The following PCDHGB7 variants were observed in gnomAD, a reference collection of about 807,000 sequenced individuals.
The protein encoded by PCDHGB7 is protocadherin gamma subfamily B, 7.
In PCDHGB7, 37 loss-of-function variants were observed where a neutral mutation model predicts 61.4. That is an observed-to-expected ratio of 0.60 (90% confidence interval 0.46 to 0.79). PCDHGB7 has a LOEUF of 0.79. PCDHGB7 is among the 30% of genes least tolerant of loss of function. PCDHGB7 has a pLI of 0.00. For missense variants in PCDHGB7, 1,166 were observed against 1,202.5 expected (o/e 0.97, Z 0.45); for synonymous variants, 464 against 503.5 (o/e 0.92, Z 1.05).
chr5:141,446,075 A>G (rs907731619), intron 1 of PCDHGB7, among the ~76,000 whole-genome samples: 1 of 152,216 alleles, frequency 6.6e-6, no homozygotes, highest in Admixed American at 6.5e-5. Context: ...GAGGCAGTGG[A>G]TGTAGAAATA....
chr5:141,442,930 T>C (rs77210959), intron 1 of PCDHGB7, among the ~76,000 whole-genome samples: 6,420 of 152,302 alleles, frequency 0.042, 216 homozygotes, highest in African/African-American at 0.092. Flanking sequence ...TCATTTTCTA[T>C]TTAAGAAACT....
chr5:141,426,596 C>T (rs1408090148), intron 1 of PCDHGB7: 9 of 377,102 alleles, frequency 2.4e-5, no homozygotes, highest in Middle Eastern at 3.9e-4. Context: ...GTGTCATACC[C>T]TTAGAGATTG....
At chr5:141,480,698 C>T (rs1394538159) in intron 1 of PCDHGB7, among the ~76,000 whole-genome samples, 1 of 152,198 alleles carries the variant, frequency 6.6e-6, no homozygotes, top group Admixed American at 6.5e-5. Context: ...ACCCAGGCCA[C>T]ACCCCGACAA....
chr5:141,482,350 G>A lies in PCDHGB7; in HGVS notation c.2416-12457G>A, dbSNP rs184055854. ...AGAATATCTACTTTGCAAACTTGTT[G>A]TGAGAGTGAAAAGTAATGCATATAA... On this transcript the variant is annotated intron_variant, in intron 1 of 3. Coordinates refer to ENST00000398594, the MANE Select transcript of PCDHGB7 (RefSeq NM_018927.4). Among the ~76,000 whole-genome samples the A allele has an allele frequency of 5.3e-5, 8 of 152,200 alleles. No individual in the cohort carries two copies. In the East Asian group the frequency reaches 1.4e-3, roughly 26 times the overall value.
intron 1 of PCDHGB7, among the ~76,000 whole-genome samples, chr5:141,434,605 T>C (rs1448149059): frequency 6.6e-6 from 1 of 152,198 alleles, no homozygotes; most frequent in Non-Finnish European, 1.5e-5. Context: ...ATCCCTTTAT[T>C]TCCGCCCATC....
chr5:141,473,269 A>G (rs2099318337), intron 1 of PCDHGB7, among the ~76,000 whole-genome samples: 1 of 152,208 alleles, frequency 6.6e-6, no homozygotes. Flanking sequence ...AGTGTATGCT[A>G]TGATTATTTT....
In PCDHGB7 at chr5:141,490,935, G is replaced by A. The variant is rs1371144225; in HGVS notation, c.2416-3872G>A. On this transcript the variant is annotated intron_variant, in intron 1 of 3. Transcript: ENST00000398594. The surrounding 1 kb of genome is among the most constrained non-coding windows in gnomAD (Gnocchi z 5.4). ...AGAATGATAATGCCCCAGCTGTGCTGCACCCACGGCCAGACTGGGAACACT... is the reference window on the plus strand; with the variant it reads ...AGAATGATAATGCCCCAGCTGTGCTACACCCACGGCCAGACTGGGAACACT... 1.9e-6 allele frequency: 3 copies of A among 1,613,638 alleles called. No homozygotes were observed. The highest frequency in any genetic ancestry group is 2.2e-5 in the South Asian group (2 of 91,032).
chr5:141,501,439 C>G (rs1245306644), intron 2 of PCDHGB7, among the ~76,000 whole-genome samples: 1 of 151,978 alleles, frequency 6.6e-6, no homozygotes, highest in Non-Finnish European at 1.5e-5. Context: ...TCCATTTCTT[C>G]CATTTTTACT....
intron 1 of PCDHGB7, chr5:141,479,521 T>C (rs4912607): frequency 0.2 from 30,680 of 152,154 alleles, 3,215 homozygotes; most frequent in Admixed American, 0.29. Flanking sequence ...CTGGCCCAGG[T>C]TGGAAGTGGA....
At chr5:141,427,960 G>C (rs759698390) in intron 1 of PCDHGB7, 7 of 1,589,168 alleles carry the variant, frequency 4.4e-6, no homozygotes, top group South Asian at 1.1e-5. Flanking sequence ...AATGTGCCGC[G>C]GGTGCTGTAC....
Position 141,491,676 on chromosome 5 carries a change from T to C in PCDHGB7, c.2416-3131T>C. On this transcript the variant is annotated intron_variant, in intron 1 of 3. Coordinates refer to ENST00000398594, the MANE Select transcript of PCDHGB7 (RefSeq NM_018927.4). The surrounding 1 kb of genome is among the most constrained non-coding windows in gnomAD (Gnocchi z 6.9). ...AGCCTGACGCCATCCGGTCCCGCTC[T>C]AATACGCTGCGGGAGCGGAGCCAGG... 3.1e-6 allele frequency: 5 copies of C among 1,613,546 alleles called. No individual in the cohort carries two copies. Among genetic ancestry groups the C allele is most frequent in the Non-Finnish European group, 4.2e-6 (5 of 1,179,848 alleles).
At chr5:141,483,187 GTTT>G (rs899657161) in intron 1 of PCDHGB7, among the ~76,000 whole-genome samples, 2 of 152,172 alleles carry the variant, frequency 1.3e-5, no homozygotes, top group African/African-American at 4.8e-5. Flanking sequence ...AAGCCAAGGA[GTTT>G]TTATTTTATT....
chr5:141,431,702 T>C lies in PCDHGB7; in HGVS notation c.2415+11428T>C, dbSNP rs1349630251. The C allele has an allele frequency of 5.6e-6, 9 of 1,614,110 alleles. No individual in the cohort carries two copies. In the East Asian group the frequency reaches 8.9e-5, roughly 16 times the overall value. Reference sequence around the variant, plus strand: ...GTTGGACCACGAGGAGTCAGGATTCTACCAGATGGAAGTGCAAGCAATGGA... The same window carrying C: ...GTTGGACCACGAGGAGTCAGGATTCCACCAGATGGAAGTGCAAGCAATGGA... On this transcript the variant is annotated intron_variant, in intron 1 of 3. Transcript: ENST00000398594. This position sits in a 1 kb window ranked among gnomAD's most constrained non-coding sequence, Gnocchi z 4.8.
Position 141,489,779 on chromosome 5 carries a change from T to C in PCDHGB7, c.2416-5028T>C, listed in dbSNP as rs1269302289. 1.9e-6 allele frequency: 3 copies of C among 1,614,168 alleles called. No homozygotes were observed. Among genetic ancestry groups the C allele is most frequent in the Non-Finnish European group, 2.5e-6 (3 of 1,179,996 alleles). On this transcript the variant is annotated intron_variant, in intron 1 of 3. Coordinates refer to ENST00000398594, the MANE Select transcript of PCDHGB7 (RefSeq NM_018927.4). The surrounding 1 kb of genome is among the most constrained non-coding windows in gnomAD (Gnocchi z 4.5). ...CTAAGCCCCAACAGCCACTTCTCTC[T>C]GAATGTGAAGACCCTAAAAGATGGG...
intron 1 of PCDHGB7, among the ~76,000 whole-genome samples, chr5:141,461,148 A>G (rs1293565790): frequency 1.3e-5 from 2 of 152,090 alleles, no homozygotes; most frequent in Non-Finnish European, 2.9e-5. Context: ...CTTTGGGTAG[A>G]TACCCAATAG....
intron 1 of PCDHGB7, among the ~76,000 whole-genome samples, chr5:141,443,537 T>C (rs986467958): frequency 6.6e-6 from 1 of 152,180 alleles, no homozygotes; most frequent in African/African-American, 2.4e-5. Flanking sequence ...ATTTAAAGCT[T>C]GGGAAATTGT....
chr5:141,428,846 A>G (rs936271540), intron 1 of PCDHGB7: 1 of 143,414 alleles, frequency 7.0e-6, no homozygotes, highest in Non-Finnish European at 1.5e-5. Flanking sequence ...CATTTTCACC[A>G]TTTTTACGGG....
chr5:141,481,856 G>A (rs1402368786), intron 1 of PCDHGB7, among the ~76,000 whole-genome samples: 1 of 149,156 alleles, frequency 6.7e-6, no homozygotes, highest in Admixed American at 6.8e-5. Flanking sequence ...GGAGGTTGCA[G>A]TGAGCCGAGA....
At chr5:141,453,058 G>C (rs2098754889) in intron 1 of PCDHGB7, among the ~76,000 whole-genome samples, 2 of 152,076 alleles carry the variant, frequency 1.3e-5, no homozygotes, top group Admixed American at 1.3e-4. Flanking sequence ...TGCAGTTTTA[G>C]AGTTTTGCCA....
Sources: allele counts gnomAD v4.1 joint callset (sites outside exome capture counted in the v4.1 genomes callset), GRCh38; gene constraint gnomAD v4.1.1; non-coding constraint Gnocchi (gnomAD v3.1); transcripts MANE v1.5; gene names NCBI Gene and HGNC (gene_info 2026-07-23, HGNC 2026-07-21).